The following ERMP1 variants were observed in gnomAD, a reference collection of about 807,000 sequenced individuals.
The protein encoded by ERMP1 is endoplasmic reticulum metallopeptidase 1.
ERMP1 carries 86 observed loss-of-function variants against 92.0 expected under a neutral mutation model. The ratio of observed to expected loss-of-function variants is 0.93; its 90% CI spans 0.79 to 1.12. The LOEUF is 1.12. ERMP1 is among the 50% of genes most tolerant of loss of function. ERMP1 has a pLI of 0.00. For synonymous variants in ERMP1, 530 were observed against 412.8 expected, an observed-to-expected ratio of 1.28 and a Z score of -3.44; for missense variants, 1,342 against 1,116.3, an observed-to-expected ratio of 1.20 and a Z score of -2.88.
At chr9:5,862,768 G>C (rs533290586) in intron 5 of ERMP1, among the ~76,000 whole-genome samples, 1 of 152,178 alleles carries the variant, frequency 6.6e-6, no homozygotes, top group Non-Finnish European at 1.5e-5. Context: ...TGATCACCAA[G>C]GTGAGTTCTC....
rs1477801800 is a variant in ERMP1, at chr9:5,805,077, CA to C, written c.1863del (p.Val622CysfsTer11). 6.2e-7 allele frequency: 1 copy of C among 1,613,520 alleles called. No homozygotes were observed. The highest frequency in any genetic ancestry group is 1.3e-5 in the African/African-American group (1 of 74,890). On this transcript the variant is annotated frameshift_variant, in exon 10 of 15. Coordinates refer to ENST00000339450, the MANE Select transcript of ERMP1 (RefSeq NM_024896.3). LOFTEE classifies it high-confidence loss of function. ...CAGCCAGCCAAAATGGATGCCAGCA[CA>C]ACATCAGGTGGGATTTCAGAACCAC... ...GRSGSEIPPDVVLASILAGCT... is the reference protein window; with the variant it reads ...GRSGSEIPPDXVLASILAGCT...
At chr9:5,864,794 T>G (rs1438178444) in intron 5 of ERMP1, among the ~76,000 whole-genome samples, 1 of 152,202 alleles carries the variant, frequency 6.6e-6, no homozygotes, top group African/African-American at 2.4e-5. Flanking sequence ...AGTTAGGAGG[T>G]GTCTTGCAGA....
rs560965588 is a variant in ERMP1, at chr9:5,832,672, G to A, written c.338+18C>T. 1.8e-4 allele frequency: 259 copies of A among 1,408,600 alleles called. No homozygotes were observed. The African/African-American group carries it at 3.3e-3, about 18-fold the overall frequency. 87.3% of individuals were successfully genotyped at this position (1,408,600 alleles called of 1,614,324 possible). On this transcript the variant is annotated intron_variant, in intron 1 of 14. Coordinates refer to ENST00000339450, the MANE Select transcript of ERMP1 (RefSeq NM_024896.3). Reference sequence around the variant, plus strand: ...GCAAACGGACGCGCGGGCCGTGCCAGGAGGGAGCGGCCGGTACCTGGCTTG... The same window carrying A: ...GCAAACGGACGCGCGGGCCGTGCCAAGAGGGAGCGGCCGGTACCTGGCTTG...
intron 4 of ERMP1, among the ~76,000 whole-genome samples, chr9:5,818,847 C>G (rs1259360293): frequency 1.3e-5 from 2 of 152,262 alleles, no homozygotes; most frequent in South Asian, 2.1e-4. Flanking sequence ...TACATGTTGC[C>G]AAAATGCACA....
chr9:5,787,993 G>GT (rs1828014514), intron 13 of ERMP1, among the ~76,000 whole-genome samples: 1 of 152,204 alleles, frequency 6.6e-6, no homozygotes, highest in African/African-American at 2.4e-5. Context: ...AATTTTCAGA[G>GT]TTGATCATGT....
At chr9:5,813,455 A>G (rs1181807770) in intron 4 of ERMP1, among the ~76,000 whole-genome samples, 3 of 152,148 alleles carry the variant, frequency 2.0e-5, no homozygotes, top group Non-Finnish European at 2.9e-5. Context: ...GCTAGATACA[A>G]ATTGGGTATA....
intron 6 of ERMP1, among the ~76,000 whole-genome samples, chr9:5,838,888 ACAGTGG>A (rs1830124705): frequency 6.6e-6 from 1 of 152,182 alleles, no homozygotes; most frequent in Non-Finnish European, 1.5e-5. Flanking sequence ...TAAAGCAATA[ACAGTGG>A]TTATCTCTGG....
At chr9:5,858,296 C>T (rs1320117450) in intron 6 of ERMP1, among the ~76,000 whole-genome samples, 1 of 152,156 alleles carries the variant, frequency 6.6e-6, no homozygotes, top group African/African-American at 2.4e-5. Context: ...TATTACTAGT[C>T]CCAGTGCTGA....
chr9:5,810,134 G>A lies in ERMP1; in HGVS notation c.1425C>T (p.Ile475=). The stretch of plus-strand genomic sequence containing the variant: ...ATGAGAGAGACTGTCCAATAAGAGA[G>A]ATGAACACTGCTATAATGAGAACGG... ...LVTVLIIAVF[I]SLIGQSLSWY... is the part of the protein sequence containing the mutation. The change falls in exon 8 of 15, where the codon ATC becomes ATT. Residue 475 remains isoleucine, a synonymous_variant. Coordinates refer to ENST00000339450, the MANE Select transcript of ERMP1 (RefSeq NM_024896.3). 7 of 1,613,850 alleles carry A rather than the reference G, an allele frequency of 4.3e-6. No homozygotes were observed. Among genetic ancestry groups the A allele is most frequent in the Non-Finnish European group, 5.1e-6 (6 of 1,179,756 alleles).
chr9:5,824,560 G>A (rs151108281), intron 3 of ERMP1, among the ~76,000 whole-genome samples: 45,913 of 151,832 alleles, frequency 0.3, 8,160 homozygotes, highest in East Asian at 0.58. Flanking sequence ...CCACCACCAC[G>A]CCTGGCTAAT....
At chr9:5,787,860 T>C (rs1378699935) in intron 13 of ERMP1, among the ~76,000 whole-genome samples, 1 of 152,198 alleles carries the variant, frequency 6.6e-6, no homozygotes, top group African/African-American at 2.4e-5. Flanking sequence ...ACATCAGGAA[T>C]TTAATCTATG....
At chr9:5,853,470 C>T (rs1486482159) in intron 6 of ERMP1, among the ~76,000 whole-genome samples, 3 of 152,064 alleles carry the variant, frequency 2.0e-5, no homozygotes, top group Non-Finnish European at 4.4e-5. Context: ...AAGAGCCATA[C>T]ATATCCTGTA....
Position 5,787,558 on chromosome 9 carries a change from T to C in ERMP1, c.2422A>G (p.Lys808Glu). 3 of 1,613,940 alleles carry C rather than the reference T, an allele frequency of 1.9e-6. No individual in the cohort carries two copies. The highest frequency in any genetic ancestry group is 1.7e-6 in the Non-Finnish European group (2 of 1,179,918). ...SHMSFYVRAH[K>E]GSTLSQWSLG... is the part of the protein sequence containing the mutation. ...GACCACTGAGAAAGTGTTGACCCTT[T>C]GTGGGCTCGAACATAGAAGGACATA... Residue 808 changes from lysine to glutamate, a missense_variant, in exon 14 of 15, where the codon AAA becomes GAA. Coordinates refer to ENST00000339450, the MANE Select transcript of ERMP1 (RefSeq NM_024896.3).
At chr9:5,859,550 C>T (rs1017990709) in exon 6 of ERMP1, among the ~76,000 whole-genome samples, 28 of 152,250 alleles carry the variant, frequency 1.8e-4, no homozygotes, top group Middle Eastern at 3.4e-3. Context: ...ACATCTTTTA[C>T]GGAGAGAAGT....
chr9:5,844,803 G>C lies in ERMP1; in HGVS notation n.3200-11491C>G, dbSNP rs140650839. Among the ~76,000 whole-genome samples, 167 of 152,258 alleles carry C rather than the reference G, an allele frequency of 1.1e-3. 3 individuals carry two copies. The Middle Eastern group carries it at 0.017, about 16-fold the overall frequency. On this transcript the variant is annotated intron_variant and non_coding_transcript_variant, in intron 6 of 6. Transcript: ENST00000690753. ...ACCATAAATATATTTCCAGTTGACA[G>C]TCAAGTTTTCTGGTTGTGAACCTCA...
chr9:5,834,701 A>ATGTGTGTGTGTGTGTG (rs1461362378), upstream of ERMP1, among the ~76,000 whole-genome samples: 32 of 62,894 alleles, frequency 5.1e-4, no homozygotes, highest in African/African-American at 1.2e-3. Flanking sequence ...ATGTATGTAT[A>ATGTGTGTGTGTGTGTG]TATGTGTGTG....
At chr9:5,810,699 C>G (rs1563758819) in intron 7 of ERMP1, among the ~76,000 whole-genome samples, 1 of 152,002 alleles carries the variant, frequency 6.6e-6, no homozygotes, top group Non-Finnish European at 1.5e-5. Context: ...TAACAGCACA[C>G]AACAACTTAG....
intron 6 of ERMP1, among the ~76,000 whole-genome samples, chr9:5,853,284 G>A (rs1830332045): frequency 2.6e-5 from 4 of 152,212 alleles, no homozygotes; most frequent in Admixed American, 2.6e-4. Context: ...GGAAAGGGCA[G>A]AGAGCTCTTC....
intron 5 of ERMP1, among the ~76,000 whole-genome samples, chr9:5,862,931 TG>T (rs1830546975): frequency 6.6e-6 from 1 of 152,216 alleles, no homozygotes; most frequent in Non-Finnish European, 1.5e-5. Flanking sequence ...AATGAGGCAG[TG>T]TTAATGGAGC....
Sources: allele counts gnomAD v4.1 joint callset (sites outside exome capture counted in the v4.1 genomes callset), GRCh38; gene constraint gnomAD v4.1.1; transcripts MANE v1.5; gene names NCBI Gene and HGNC (gene_info 2026-07-23, HGNC 2026-07-21).